Variants in ZNF341 observed in about 807,000 individuals in gnomAD.
ZNF341 encodes the protein zinc finger protein 341.
ZNF341 carries 52 observed loss-of-function variants against 87.7 expected under a neutral mutation model. The observed-to-expected ratio is 0.59, with a 90% CI of 0.47 to 0.75. The LOEUF (loss-of-function observed/expected upper bound fraction) is 0.75, where lower values mean the gene tolerates loss of function less well. Ranked by LOEUF, ZNF341 falls within the 30% of genes least tolerant of loss-of-function variation. The probability of loss-of-function intolerance (pLI) is 0.00; values close to 1 mark genes in which losing one functional copy is unlikely to be tolerated. For missense variants in ZNF341, 977 were observed against 1,145.9 expected (o/e 0.85, Z 2.13); for synonymous variants, 459 against 472.7 (o/e 0.97, Z 0.38).
chr20:33,780,722 T>C (rs1421040137), intron 10 of ZNF341, among the ~76,000 whole-genome samples: 1 of 151,636 alleles, frequency 6.6e-6, no homozygotes. Context: ...TTTTTTTTTT[T>C]CTTATTTAAA....
intron 6 of ZNF341, among the ~76,000 whole-genome samples, chr20:33,758,275 C>G (rs988626144): frequency 1.3e-5 from 2 of 152,064 alleles, no homozygotes; most frequent in Non-Finnish European, 2.9e-5. Flanking sequence ...AAGGAAGCAG[C>G]CTTGTGGGTA....
chr20:33,737,747 C>T (rs991728651), intron 1 of ZNF341, among the ~76,000 whole-genome samples: 9 of 152,044 alleles, frequency 5.9e-5, no homozygotes, highest in Non-Finnish European at 8.8e-5. Context: ...CTGGGTGGGG[C>T]TGCAGGACTC....
intron 1 of ZNF341, among the ~76,000 whole-genome samples, chr20:33,735,149 G>C (rs773284206): frequency 1.3e-5 from 2 of 151,826 alleles, no homozygotes; most frequent in Non-Finnish European, 2.9e-5. Flanking sequence ...TCCTGCCTCA[G>C]CCTCTTGAGT....
chr20:33,756,252 G>A (rs974890247), intron 5 of ZNF341, among the ~76,000 whole-genome samples: 3 of 152,016 alleles, frequency 2.0e-5, no homozygotes, highest in African/African-American at 7.2e-5. Context: ...GTAATTTCTC[G>A]TGGCTTCAGT....
intron 1 of ZNF341, among the ~76,000 whole-genome samples, chr20:33,735,455 C>T (rs1349770562): frequency 6.6e-6 from 1 of 152,114 alleles, no homozygotes; most frequent in Non-Finnish European, 1.5e-5. Context: ...CCACCTCAGC[C>T]TCCCAGGTGC....
At chr20:33,767,083 G>A (rs773387998) in intron 9 of ZNF341, 42 bp downstream of exon 9, 20 of 1,579,356 alleles carry the variant, frequency 1.3e-5, no homozygotes, top group East Asian at 2.2e-5. Context: ...CACACCAGTC[G>A]AAACCTTTCA....
intron 10 of ZNF341, among the ~76,000 whole-genome samples, chr20:33,771,858 T>C (rs1160534265): frequency 2.7e-5 from 4 of 150,422 alleles, no homozygotes; most frequent in Non-Finnish European, 4.4e-5. Flanking sequence ...TCAACAAAAA[T>C]AGAAAAATTA....
Position 33,770,286 on chromosome 20 carries a change from T to G in ZNF341, c.1616T>G (p.Val539Gly). The change falls in exon 10 of 15, where the codon GTC becomes GGC. Residue 539 changes from valine (V) to glycine (G), a missense_variant. Coordinates refer to ENST00000375200, the MANE Select transcript of ZNF341 (RefSeq NM_001282933.2). ...PQHSPKKDNA[V>G]YKCVKCVNKY... ...CACAGCCCCAAGAAGGACAATGCCG[T>G]CTACAAGTAAGTGCCTCCTGCTTCC... 11 of 1,367,640 alleles carry G rather than the reference T, an allele frequency of 8.0e-6. No homozygotes were observed. The highest frequency in any genetic ancestry group is 9.8e-6 in the Non-Finnish European group (10 of 1,024,038). The allele number at this position is 1,367,640 out of a possible 1,614,324, so 84.7% of individuals were successfully genotyped here.
At chr20:33,781,113 G>A (rs765523007) in intron 10 of ZNF341, among the ~76,000 whole-genome samples, 178 bp from the exon 11 acceptor site, 2 of 152,140 alleles carry the variant, frequency 1.3e-5, no homozygotes, top group Non-Finnish European at 2.9e-5. Context: ...GCACAAGTCC[G>A]AACAAGAGAT....
chr20:33,780,000 A>G (rs2019709426), intron 10 of ZNF341, among the ~76,000 whole-genome samples: 1 of 152,214 alleles, frequency 6.6e-6, no homozygotes, highest in Admixed American at 6.5e-5. Flanking sequence ...CAAATAATAA[A>G]TAATTCCAGG....
Position 33,757,265 on chromosome 20 carries a change from G to C in ZNF341, c.859G>C (p.Gly287Arg), listed in dbSNP as rs149362037. The C allele has an allele frequency of 2.5e-6, 4 of 1,604,336 alleles. No homozygotes were observed. In the African/African-American group the frequency reaches 4.0e-5, roughly 16 times the overall value. ...CGCCGCCCCCATGACCAGCGCCACC[G>C]GGGGCACGGTGGCCACCTTTGACTC... ...NPAAPMTSAT[G>R]GTVATFDSPA... Residue 287 changes from glycine (G) to arginine (R), a missense_variant, in exon 6 of 15, where the codon GGG (glycine) becomes CGG (arginine). Around this residue, in one of 3 missense-constraint regions of ZNF341, gnomAD observed 515 missense variants for 598.2 expected, o/e 0.86. Transcript: ENST00000375200.
chr20:33,734,694 T>G (rs1428148979), intron 1 of ZNF341, among the ~76,000 whole-genome samples: 1 of 152,032 alleles, frequency 6.6e-6, no homozygotes. Flanking sequence ...CAAGTTCAGT[T>G]TTACACAGGC....
chr20:33,752,354 A>G (rs1014446355), intron 4 of ZNF341: 5 of 626,820 alleles, frequency 8.0e-6, no homozygotes, highest in African/African-American at 7.2e-5. Context: ...GCTGGTATCA[A>G]TGCACACATC....
chr20:33,772,396 T>C (rs554636686), intron 10 of ZNF341, among the ~76,000 whole-genome samples: 30 of 152,278 alleles, frequency 2.0e-4, no homozygotes, highest in African/African-American at 7.0e-4. Context: ...GGTGTTTCTG[T>C]TAATGAGGCC....
chr20:33,744,414 G>A (rs1568934703), intron 2 of ZNF341, among the ~76,000 whole-genome samples: 2 of 151,674 alleles, frequency 1.3e-5, no homozygotes, highest in Admixed American at 1.3e-4. Flanking sequence ...GGCGAACGGT[G>A]GATGCAAAGG....
intron 9 of ZNF341, 151 bp downstream of exon 9, chr20:33,767,192 G>A (rs1012048763): frequency 1.8e-5 from 18 of 975,876 alleles, no homozygotes; most frequent in Non-Finnish European, 2.4e-5. Flanking sequence ...CCGAGCAGGG[G>A]ATTGATGAAG....
chr20:33,745,393 A>G lies in ZNF341; in HGVS notation c.339+94A>G. ...CACTGGGGCTATAGCAATGGATAAG[A>G]CAGACCAAGTCCCTGCCCTTGTGGA... is the stretch of plus-strand genomic sequence containing the variant. On this transcript the variant is annotated intron_variant, in intron 3 of 14. Transcript: ENST00000375200. 3 of 1,265,846 alleles carry G rather than the reference A, an allele frequency of 2.4e-6. No individual in the cohort carries two copies. In the Admixed American group the frequency reaches 7.0e-5, roughly 30 times the overall value. 78.4% of individuals were successfully genotyped at this position (1,265,846 alleles called of 1,614,324 possible).
At chr20:33,770,345 G>C in intron 10 of ZNF341, 53 bp downstream of exon 10, 1 of 1,432,654 alleles carries the variant, frequency 7.0e-7, no homozygotes, top group South Asian at 1.2e-5. Flanking sequence ...TGGGCAGGGA[G>C]CCCAGGGCCT....
chr20:33,788,544 T>G (rs12386251), intron 12 of ZNF341: 153,338 of 389,292 alleles, frequency 0.39, 32,011 homozygotes, highest in African/African-American at 0.6. Context: ...AGCCTCCCTG[T>G]TGTTCATCAG....
Sources: gnomAD v4.1 joint callset for allele counts (sites outside exome capture counted in the v4.1 genomes callset) on GRCh38, gnomAD v4.1.1 for gene constraint, gnomAD v4.1.1 regional missense constraint, MANE v1.5 for transcripts, NCBI Gene and HGNC (gene_info 2026-07-23, HGNC 2026-07-21) for gene names.